CD109: variants seen among roughly 807,000 people sequenced by gnomAD.
The protein encoded by CD109 is CD109 antigen.
CD109 carries 149 observed loss-of-function variants against 165.8 expected under a neutral mutation model. The ratio of observed to expected loss-of-function variants is 0.90; its 90% CI spans 0.79 to 1.03. The LOEUF (loss-of-function observed/expected upper bound fraction) is 1.03, where lower values mean the gene tolerates loss of function less well. Among genes scored for constraint, CD109 ranks in the 50% least tolerant of loss-of-function variants. The pLI is 0.00. For missense variants in CD109, 1,712 were observed against 1,677.8 expected, an observed-to-expected ratio of 1.02 and a Z score of -0.36; for synonymous variants, 585 against 592.1, an observed-to-expected ratio of 0.99 and a Z score of 0.18.
chr6:73,739,622 G>A (rs1178734885), intron 5 of CD109, among the ~76,000 whole-genome samples: 2 of 152,158 alleles, frequency 1.3e-5, no homozygotes, highest in African/African-American at 2.4e-5. Flanking sequence ...GCCGAGGCGG[G>A]CGGATCACGA....
intron 18 of CD109, 101 bp from the exon 19 acceptor site, chr6:73,783,606 A>G (rs981048968): frequency 1.4e-6 from 1 of 726,212 alleles, no homozygotes; most frequent in Non-Finnish European, 2.4e-6. Flanking sequence ...ACAATAGGAA[A>G]AATTGAAATT....
chr6:73,791,164 T>TATATATACACACATACAC (rs1774933976), intron 22 of CD109, among the ~76,000 whole-genome samples: 1 of 64,144 alleles, frequency 1.6e-5, no homozygotes. Flanking sequence ...TATATATATA[T>TATATATACACACATACAC]ATATATATAT....
chr6:73,768,212 A>G lies in CD109; in HGVS notation c.1655A>G (p.Gln552Arg), dbSNP rs1012222763. Residue 552 changes from glutamine to arginine, a missense_variant, in exon 14 of 33, where the codon CAG becomes CGG. Transcript: ENST00000287097. ...AGTGATGTTCTAAAAATTCCTGTTCAGCTTGTTTTTAAAAATAAGGTAAGA... is the reference window on the plus strand; with the variant it reads ...AGTGATGTTCTAAAAATTCCTGTTCGGCTTGTTTTTAAAAATAAGGTAAGA... ...IISDVLKIPV[Q>R]LVFKNKIKLY... 1 of 1,577,294 alleles carries G rather than the reference A, an allele frequency of 6.3e-7. No homozygotes were observed. Among genetic ancestry groups the G allele is most frequent in the Non-Finnish European group, 8.7e-7 (1 of 1,149,394 alleles).
chr6:73,815,370 A>G (rs993460425), intron 30 of CD109, among the ~76,000 whole-genome samples: 1 of 152,220 alleles, frequency 6.6e-6, no homozygotes, highest in Non-Finnish European at 1.5e-5. Flanking sequence ...GTGTATATAT[A>G]AATTAATAAA....
chr6:73,681,053 G>A, the CD109 span, among the ~76,000 whole-genome samples: 11 of 152,156 alleles, frequency 7.2e-5, no homozygotes, highest in Non-Finnish European at 7.4e-5. Context: ...GAAAGGAATG[G>A]ATAGCTTTTC....
At chr6:73,778,657 G>T (rs1358539559) in intron 15 of CD109, among the ~76,000 whole-genome samples, 1 of 152,110 alleles carries the variant, frequency 6.6e-6, no homozygotes, top group African/African-American at 2.4e-5. Flanking sequence ...GACACATTAT[G>T]AATTTTTTTT....
chr6:73,808,896 G>A (rs1362279262), intron 26 of CD109, among the ~76,000 whole-genome samples: 1 of 151,634 alleles, frequency 6.6e-6, no homozygotes, highest in Admixed American at 6.6e-5. Context: ...AATGTCCAGT[G>A]ATTCAAATTT....
At chr6:73,806,436 C>A (rs1010625386) in intron 24 of CD109, among the ~76,000 whole-genome samples, 1 of 152,074 alleles carries the variant, frequency 6.6e-6, no homozygotes, top group Non-Finnish European at 1.5e-5. Flanking sequence ...GGGTGCAGCA[C>A]ACCAACATGG....
At chr6:73,776,400 C>T (rs2118332) in intron 15 of CD109, among the ~76,000 whole-genome samples, 58,831 of 149,762 alleles carry the variant, frequency 0.39, 11,703 homozygotes, top group African/African-American at 0.48. Context: ...CTACAGGTGT[C>T]GCCTCCACGC....
chr6:73,779,464 G>T (rs913887229), intron 15 of CD109, among the ~76,000 whole-genome samples: 2 of 151,920 alleles, frequency 1.3e-5, no homozygotes, highest in African/African-American at 4.8e-5. Context: ...TGGCCAGGCT[G>T]GTCTCAAACT....
intron 5 of CD109, among the ~76,000 whole-genome samples, chr6:73,746,456 G>C (rs1379809034): frequency 6.6e-6 from 1 of 152,148 alleles, no homozygotes; most frequent in African/African-American, 2.4e-5. Flanking sequence ...CTTGAGATAG[G>C]TGCCCAAGAA....
intron 3 of CD109, among the ~76,000 whole-genome samples, chr6:73,726,551 T>C (rs1210047965): frequency 3.3e-5 from 5 of 152,240 alleles, no homozygotes; most frequent in Non-Finnish European, 7.3e-5. Flanking sequence ...TGAGGATAAA[T>C]ACTATTGTGT....
Position 73,730,527 on chromosome 6 carries a change from T to C in CD109, c.460T>C (p.Phe154Leu), listed in dbSNP as rs1276685665. ...QEVKFRIVTL[F>L]SDFKPYKTSL... ...AGTGAAGTTTCGCATTGTTACACTC[T>C]TCTCAGATTTTAAGCCTTACAAAAC... The change falls in exon 4 of 33, where the codon TTC becomes CTC. Residue 154 changes from phenylalanine to leucine, a missense_variant. Coordinates refer to ENST00000287097, the MANE Select transcript of CD109 (RefSeq NM_133493.5). 1 of 1,614,098 alleles carries C rather than the reference T, an allele frequency of 6.2e-7. No homozygotes were observed. The highest frequency in any genetic ancestry group is 2.2e-5 in the East Asian group (1 of 44,884).
At chr6:73,723,462 G>A (rs1330422678) in intron 3 of CD109, among the ~76,000 whole-genome samples, 183 bp downstream of exon 3, 5 of 152,102 alleles carry the variant, frequency 3.3e-5, no homozygotes, top group Non-Finnish European at 4.4e-5. Context: ...TTGATTATGA[G>A]GCTCTTCAAA....
At chr6:73,715,949 C>A (rs914817933) in intron 2 of CD109, among the ~76,000 whole-genome samples, 1 of 152,158 alleles carries the variant, frequency 6.6e-6, no homozygotes, top group Non-Finnish European at 1.5e-5. Context: ...CTCTGGTAAC[C>A]ATCCTTCTAC....
At chr6:73,820,726 A>G (rs546980584) in intron 32 of CD109, among the ~76,000 whole-genome samples, 163 bp downstream of exon 32, 2 of 152,342 alleles carry the variant, frequency 1.3e-5, no homozygotes, top group African/African-American at 4.8e-5. Context: ...CATTTCAGTG[A>G]AGACTATTGA....
chr6:73,747,831 C>G (rs1352723478), intron 5 of CD109, among the ~76,000 whole-genome samples: 1 of 151,610 alleles, frequency 6.6e-6, no homozygotes, highest in Non-Finnish European at 1.5e-5. Flanking sequence ...CATATTCAGG[C>G]CTTCATCAAT....
intron 15 of CD109, among the ~76,000 whole-genome samples, chr6:73,779,985 T>A (rs1010973303): frequency 6.6e-6 from 1 of 151,994 alleles, no homozygotes; most frequent in African/African-American, 2.4e-5. Flanking sequence ...ATTAATAACT[T>A]ATATTTCTAC....
At position 73,751,911 on chromosome 6, in the gene CD109, A is replaced by T. The variant is rs1773204083; in HGVS notation, c.634-4732A>T. 2.0e-5 allele frequency among the ~76,000 whole-genome samples: 3 copies of T among 152,224 alleles called. 1 individual carries two copies. The South Asian group carries it at 6.2e-4, about 31-fold the overall frequency. On this transcript the variant is annotated intron_variant, in intron 5 of 32. Transcript: ENST00000287097. ...ACCAGTTTTTGGAAACCTCCTTTACAGGTCCTGCATCCTTCACCTGTGGAA... is the reference window on the plus strand; with the variant it reads ...ACCAGTTTTTGGAAACCTCCTTTACTGGTCCTGCATCCTTCACCTGTGGAA...
Sources: allele counts gnomAD v4.1 joint callset (sites outside exome capture counted in the v4.1 genomes callset), GRCh38; gene constraint gnomAD v4.1.1; transcripts MANE v1.5; gene names NCBI Gene and HGNC (gene_info 2026-07-23, HGNC 2026-07-21).